Variants in MBD5 observed in about 807,000 individuals in gnomAD.
MBD5 encodes the protein methyl-CpG binding domain protein 5.
A neutral mutation model predicts 117.3 loss-of-function variants in MBD5; 13 were observed. That is an observed-to-expected ratio of 0.11 (90% CI 0.07 to 0.18). The LOEUF is 0.18. MBD5 is among the 10% of genes least tolerant of loss of function. MBD5 has a pLI of 1.00. For synonymous variants in MBD5, 727 were observed against 766.4 expected, an observed-to-expected ratio of 0.95 and a Z score of 0.85; for missense variants, 1,879 against 2,093.8, an observed-to-expected ratio of 0.90 and a Z score of 2.00.
At chr2:148,421,695 C>T (rs1157372041) in intron 4 of MBD5, among the ~76,000 whole-genome samples, 1 of 152,178 alleles carries the variant, frequency 6.6e-6, no homozygotes, top group Non-Finnish European at 1.5e-5. Flanking sequence ...GAAATTCTTG[C>T]TACCAGCACA....
At chr2:148,484,885 A>G (rs1681286554) in intron 9 of MBD5, among the ~76,000 whole-genome samples, 1 of 152,206 alleles carries the variant, frequency 6.6e-6, no homozygotes, top group African/African-American at 2.4e-5. Flanking sequence ...CATGATGTCA[A>G]TGGCATCTTC....
chr2:148,138,336 A>G (rs773781152), intron 1 of MBD5, among the ~76,000 whole-genome samples: 1 of 152,208 alleles, frequency 6.6e-6, no homozygotes, highest in African/African-American at 2.4e-5. Context: ...AAATGTGCTT[A>G]CAGTCAGTGA....
At chr2:148,047,553 C>T (rs1040999863) in intron 1 of MBD5, among the ~76,000 whole-genome samples, 2 of 152,104 alleles carry the variant, frequency 1.3e-5, no homozygotes, top group Non-Finnish European at 2.9e-5. Flanking sequence ...TTACCAAGTG[C>T]CTTGATAAAT....
intron 4 of MBD5, among the ~76,000 whole-genome samples, chr2:148,343,802 A>G (rs143047483): frequency 1.4e-4 from 21 of 152,008 alleles, no homozygotes; most frequent in African/African-American, 4.6e-4. Context: ...TGCAGAAGCT[A>G]TTTAGTTTAA....
intron 1 of MBD5, among the ~76,000 whole-genome samples, chr2:148,139,179 T>A (rs1697245545): frequency 6.6e-6 from 1 of 152,166 alleles, no homozygotes; most frequent in Non-Finnish European, 1.5e-5. Flanking sequence ...ATGGTCAGTT[T>A]CCTGAGTATA....
chr2:148,256,313 T>C (rs930459007), intron 3 of MBD5, among the ~76,000 whole-genome samples: 8 of 152,226 alleles, frequency 5.3e-5, no homozygotes, highest in Admixed American at 3.3e-4. Context: ...CCACATCTCA[T>C]GTAGGTGCCG....
At chr2:148,176,300 TTTTG>T (rs1287885383) in intron 1 of MBD5, among the ~76,000 whole-genome samples, 22 of 138,162 alleles carry the variant, frequency 1.6e-4, no homozygotes, top group African/African-American at 6.0e-4. Context: ...TTTATTAGAG[TTTTG>T]TTTTTTTTTT....
chr2:148,250,897 TG>T (rs1195164052), intron 3 of MBD5, among the ~76,000 whole-genome samples: 1 of 152,230 alleles, frequency 6.6e-6, no homozygotes, highest in Non-Finnish European at 1.5e-5. Flanking sequence ...TGCCCTATTT[TG>T]CCACTTCATC....
intron 1 of MBD5, among the ~76,000 whole-genome samples, chr2:148,095,046 A>G (rs879559007): frequency 6.6e-6 from 1 of 152,278 alleles, no homozygotes; most frequent in Non-Finnish European, 1.5e-5. Flanking sequence ...TATAAATAAT[A>G]AATGAATAAA....
At chr2:148,402,188 A>G (rs1704944389) in intron 4 of MBD5, among the ~76,000 whole-genome samples, 1 of 152,030 alleles carries the variant, frequency 6.6e-6, no homozygotes, top group African/African-American at 2.4e-5. Context: ...TTGAGACTAT[A>G]CAGATATCCT....
At chr2:148,092,827 AAT>A (rs1574005162) in intron 1 of MBD5, among the ~76,000 whole-genome samples, 2 of 142,010 alleles carry the variant, frequency 1.4e-5, no homozygotes, top group South Asian at 2.3e-4. Flanking sequence ...AAAAAAAAAA[AAT>A]TTAAACAAAA....
chr2:148,317,204 A>G (rs1702175586), intron 3 of MBD5, among the ~76,000 whole-genome samples: 1 of 152,088 alleles, frequency 6.6e-6, no homozygotes, highest in Non-Finnish European at 1.5e-5. Context: ...GAATAAATAA[A>G]TTAAGAAATA....
In MBD5 at chr2:148,420,697, A is replaced by ATGTTTTGTTT. The variant is rs3076613; in HGVS notation, c.-556-37467_-556-37458dup. 9.7e-3 allele frequency among the ~76,000 whole-genome samples: 1,427 copies of ATGTTTTGTTT among 147,482 alleles called. 9 individuals are homozygous for ATGTTTTGTTT. Among genetic ancestry groups the ATGTTTTGTTT allele is most frequent in the Middle Eastern group, 0.017 (5 of 286 alleles). On this transcript the variant is annotated intron_variant, in intron 4 of 13. Transcript: ENST00000642680. ...ATATTGCCCTCTTGTCTGATAAGTC[A>ATGTTTTGTTT]TGTTTTGTTTTGTTTTGTTTTGTTT...
At chr2:148,278,113 C>T (rs750820205) in intron 3 of MBD5, among the ~76,000 whole-genome samples, 13 of 152,248 alleles carry the variant, frequency 8.5e-5, no homozygotes, top group Admixed American at 7.2e-4. Flanking sequence ...TTGCTTTTTC[C>T]GGAATGTCAT....
intron 3 of MBD5, among the ~76,000 whole-genome samples, chr2:148,238,816 T>A (rs961155575): frequency 6.6e-6 from 1 of 152,128 alleles, no homozygotes; most frequent in Admixed American, 6.6e-5. Flanking sequence ...TCTCCCTGTG[T>A]GTCTGTTTCT....
At chr2:148,182,951 C>T (rs1698563719) in intron 2 of MBD5, among the ~76,000 whole-genome samples, 1 of 152,166 alleles carries the variant, frequency 6.6e-6, no homozygotes, top group East Asian at 1.9e-4. Context: ...TCTGATCTGC[C>T]TGGTCTTGCT....
At chr2:148,510,425 T>A (rs1427507337) in intron 13 of MBD5, among the ~76,000 whole-genome samples, 1 of 152,254 alleles carries the variant, frequency 6.6e-6, no homozygotes, top group South Asian at 2.1e-4. Context: ...CTTTCTGCAC[T>A]TGACTCTGTG....
At chr2:148,149,684 T>G (rs200438353) in intron 1 of MBD5, among the ~76,000 whole-genome samples, 522 of 152,360 alleles carry the variant, frequency 3.4e-3, no homozygotes, top group East Asian at 8.3e-3. Context: ...ATTTCTCTGA[T>G]GGCCAGTGAT....
chr2:148,462,836 A>G, intron 6 of MBD5, 152 bp downstream of exon 6: 1 of 639,746 alleles, frequency 1.6e-6, no homozygotes, highest in Admixed American at 2.8e-5. Context: ...GTGTTTTGGA[A>G]TGCTTAAAAA....
Sources: gnomAD v4.1 joint callset for allele counts (sites outside exome capture counted in the v4.1 genomes callset) on GRCh38, gnomAD v4.1.1 for gene constraint, MANE v1.5 for transcripts, NCBI Gene and HGNC (gene_info 2026-07-23, HGNC 2026-07-21) for gene names.